The following LHCGR variants were observed in gnomAD, a reference collection of about 807,000 sequenced individuals.
LHCGR encodes lutropin-choriogonadotropic hormone receptor.
Under a neutral mutation model 60.7 loss-of-function variants are expected in LHCGR, and 55 were observed. The ratio of observed to expected loss-of-function variants is 0.91; its 90% CI spans 0.73 to 1.13. LHCGR has a LOEUF of 1.13. LHCGR is among the 50% of genes most tolerant of loss of function. LHCGR has a pLI of 0.00. For synonymous variants in LHCGR, 337 were observed against 316.5 expected (o/e 1.06, Z -0.69); for missense variants, 862 against 836.0 (o/e 1.03, Z -0.38).
rs1679953267 is a variant in LHCGR, at chr2:48,687,552, T to C, written c.*145A>G. On this transcript the variant is annotated 3_prime_UTR_variant, in exon 11 of 11. Coordinates refer to ENST00000294954, the MANE Select transcript of LHCGR (RefSeq NM_000233.4). ...TGTGGCAGTGGTCATAGACTACACT[T>C]TCTACTAGGTAGAGGTCTCTTGCCT... 3.0e-6 allele frequency: 2 copies of C among 660,136 alleles called. No homozygotes were observed. The highest frequency in any genetic ancestry group is 5.3e-6 in the Non-Finnish European group (2 of 380,622). 40.9% of individuals were successfully genotyped at this position (660,136 alleles called of 1,614,324 possible).
chr2:48,755,573 G>T lies in LHCGR; in HGVS notation c.99C>A (p.Pro33=). 1 of 1,539,648 alleles carries T rather than the reference G, an allele frequency of 6.5e-7. No individual in the cohort carries two copies. The change falls in exon 1 of 11, where the codon CCC becomes CCA. Residue 33 remains proline (P), a synonymous_variant. Coordinates refer to ENST00000294954, the MANE Select transcript of LHCGR (RefSeq NM_000233.4). ...RALREALCPE[P]CNCVPDGALR... ...GGGCGCCGTCGGGCACGCAGTTGCA[G>T]GGCTCAGGGCAGAGCGCCTCGCGCA...
At chr2:48,755,480 G>C in intron 1 of LHCGR, 31 bp downstream of exon 1, 1 of 1,415,166 alleles carries the variant, frequency 7.1e-7, no homozygotes. Flanking sequence ...CCTGCATCAA[G>C]GGCGCCGCGA....
At chr2:48,736,342 C>T (rs1025812060) in intron 1 of LHCGR, among the ~76,000 whole-genome samples, 14 of 152,196 alleles carry the variant, frequency 9.2e-5, no homozygotes, top group African/African-American at 3.1e-4. Flanking sequence ...ATCTTTAGAC[C>T]TTCTTCCTAT....
chr2:48,738,375 T>A (rs1669291408), intron 1 of LHCGR, among the ~76,000 whole-genome samples: 1 of 152,192 alleles, frequency 6.6e-6, no homozygotes, highest in South Asian at 2.1e-4. Flanking sequence ...TACACACTGC[T>A]ACTCTTGGCC....
chr2:48,722,118 C>G (rs1033501361), intron 6 of LHCGR, among the ~76,000 whole-genome samples: 1 of 152,184 alleles, frequency 6.6e-6, no homozygotes, highest in African/African-American at 2.4e-5. Context: ...CCACTGCACT[C>G]CAGCCTGGTG....
intron 7 of LHCGR, 146 bp downstream of exon 7, chr2:48,713,840 C>A: frequency 1.4e-6 from 1 of 721,524 alleles, no homozygotes; most frequent in Non-Finnish European, 2.5e-6. Flanking sequence ...CAGCCAGTTG[C>A]CTAGTAACAT....
chr2:48,729,023 AC>A (rs1668866978), intron 3 of LHCGR, 129 bp downstream of exon 3: 1 of 798,944 alleles, frequency 1.3e-6, no homozygotes, highest in East Asian at 2.4e-5. Context: ...GCCTGCCCAG[AC>A]CTAGTAATTG....
chr2:48,739,725 A>C (rs1043781245), intron 1 of LHCGR, among the ~76,000 whole-genome samples: 1 of 152,168 alleles, frequency 6.6e-6, no homozygotes, highest in Non-Finnish European at 1.5e-5. Context: ...TGACGAGTTA[A>C]TGGGCACAGC....
chr2:48,706,665 T>C (rs116044595), intron 8 of LHCGR, among the ~76,000 whole-genome samples: 2,710 of 152,332 alleles, frequency 0.018, 47 homozygotes, highest in Middle Eastern at 0.034. Context: ...TATCATTTCT[T>C]CCACTTGATC....
At position 48,703,298 on chromosome 2, in the gene LHCGR, T is replaced by G. The variant is rs932420838; in HGVS notation, c.681-4498A>C. On this transcript the variant is annotated intron_variant, in intron 8 of 10. Coordinates refer to ENST00000294954, the MANE Select transcript of LHCGR (RefSeq NM_000233.4). ...TTTAATTAGATCTCATTTGTCAATT[T>G]TGGCTTTTGTTGCCATTGCTTTTGG... is the stretch of plus-strand genomic sequence containing the variant. Among the ~76,000 whole-genome samples the G allele has an allele frequency of 5.3e-5, 8 of 152,376 alleles. No individual in the cohort carries two copies. In the East Asian group the frequency reaches 1.5e-3, roughly 29 times the overall value.
At chr2:48,692,161 AT>A (rs910551762) in intron 10 of LHCGR, among the ~76,000 whole-genome samples, 2 of 152,212 alleles carry the variant, frequency 1.3e-5, no homozygotes, top group African/African-American at 4.8e-5. Flanking sequence ...AAGAATTTGC[AT>A]TTTAAGTAAG....
chr2:48,700,967 G>C (rs1251469155), intron 8 of LHCGR, among the ~76,000 whole-genome samples: 1 of 152,200 alleles, frequency 6.6e-6, no homozygotes, highest in Admixed American at 6.5e-5. Context: ...GAAGTAGACA[G>C]AGTGAGAACT....
At chr2:48,709,624 C>T (rs1019452023) in intron 7 of LHCGR, among the ~76,000 whole-genome samples, 3 of 152,132 alleles carry the variant, frequency 2.0e-5, no homozygotes, top group Non-Finnish European at 2.9e-5. Context: ...AAATGATCAT[C>T]GCCAGGTGTA....
chr2:48,755,491 C>T lies in LHCGR; in HGVS notation c.161+20G>A. On this transcript the variant is annotated intron_variant, in intron 1 of 10. Coordinates refer to ENST00000294954, the MANE Select transcript of LHCGR (RefSeq NM_000233.4). ...GGGTCCTGCATCAAGGGCGCCGCGA[C>T]GGGAGCGCTGTGTACTCACAGTCGA... 1.3e-6 allele frequency: 2 copies of T among 1,497,026 alleles called. No individual in the cohort carries two copies. The highest frequency in any genetic ancestry group is 1.2e-5 in the South Asian group (1 of 82,338). The allele number at this position is 1,497,026 out of a possible 1,614,324, so 92.7% of individuals were successfully genotyped here.
At chr2:48,739,836 G>C (rs1397244407) in intron 1 of LHCGR, among the ~76,000 whole-genome samples, 1 of 152,082 alleles carries the variant, frequency 6.6e-6, no homozygotes, top group African/African-American at 2.4e-5. Flanking sequence ...CCGACAATTT[G>C]AGAAAGATGG....
At chr2:48,743,379 A>G (rs1484037402) in intron 1 of LHCGR, among the ~76,000 whole-genome samples, 3 of 152,240 alleles carry the variant, frequency 2.0e-5, no homozygotes, top group Non-Finnish European at 4.4e-5. Context: ...AGCTGGGCAG[A>G]GACACAACCA....
In LHCGR at chr2:48,723,465, G is replaced by C; in HGVS notation, c.527C>G (p.Ser176Cys). Reference protein sequence around the residue: ...GNAFQGMNNESVTLKLYGNGF... With the variant: ...GNAFQGMNNECVTLKLYGNGF... ...CTGGGAGTTTACTCACAGTGTTACA[G>C]ATTCATTATTCATCCCTTGAAAAGC... Residue 176 changes from serine to cysteine, a missense_variant, in exon 6 of 11, where the codon TCT becomes TGT. Coordinates refer to ENST00000294954, the MANE Select transcript of LHCGR (RefSeq NM_000233.4). 2.5e-6 allele frequency: 4 copies of C among 1,607,712 alleles called. No individual in the cohort carries two copies. Among genetic ancestry groups the C allele is most frequent in the Non-Finnish European group, 3.4e-6 (4 of 1,174,216 alleles).
chr2:48,732,823 A>C (rs552227024), intron 1 of LHCGR: 1 of 531,626 alleles, frequency 1.9e-6, no homozygotes, highest in African/African-American at 1.9e-5. Context: ...ATTTTCACTC[A>C]ATAATCTCTT....
At chr2:48,742,581 C>T (rs1276868695) in intron 1 of LHCGR, among the ~76,000 whole-genome samples, 1 of 151,600 alleles carries the variant, frequency 6.6e-6, no homozygotes, top group Admixed American at 6.6e-5. Context: ...ACAACCTGCT[C>T]CTGAATGACT....
Sources: allele counts gnomAD v4.1 joint callset (sites outside exome capture counted in the v4.1 genomes callset), GRCh38; gene constraint gnomAD v4.1.1; transcripts MANE v1.5; gene names NCBI Gene and HGNC (gene_info 2026-07-23, HGNC 2026-07-21).